TIAM2: variants seen among roughly 807,000 people sequenced by gnomAD.
The protein encoded by TIAM2 is rho guanine nucleotide exchange factor TIAM2.
A neutral mutation model predicts 152.9 loss-of-function variants in TIAM2; 80 were observed. The observed-to-expected ratio is 0.52, with a 90% CI of 0.44 to 0.63. The LOEUF is 0.63. Ranked by LOEUF, TIAM2 falls within the 30% of genes least tolerant of loss-of-function variation. The probability of loss-of-function intolerance (pLI) is 0.00; values close to 1 mark genes in which losing one functional copy is unlikely to be tolerated. For synonymous variants in TIAM2, 804 were observed against 838.0 expected, an observed-to-expected ratio of 0.96 and a Z score of 0.70; for missense variants, 1,965 against 2,120.1, an observed-to-expected ratio of 0.93 and a Z score of 1.44.
At chr6:155,224,778 C>T (rs9371873) in intron 15 of TIAM2, among the ~76,000 whole-genome samples, 18,047 of 152,184 alleles carry the variant, frequency 0.12, 1,713 homozygotes, top group African/African-American at 0.26. Context: ...CAGAAAACAG[C>T]TGGCAGAGGA....
chr6:155,067,989 G>T (rs973093222), intron 1 of TIAM2, among the ~76,000 whole-genome samples: 1 of 152,040 alleles, frequency 6.6e-6, no homozygotes, highest in East Asian at 1.9e-4. Flanking sequence ...CCAACCACAC[G>T]TACAAGTGTT....
At chr6:155,023,059 TTCCCTTGGCAAGTGAATTTATTTCATC>T (rs1776531204) in intron 1 of TIAM2, among the ~76,000 whole-genome samples, 1 of 38,136 alleles carries the variant, frequency 2.6e-5, no homozygotes, top group African/African-American at 6.3e-5. Context: ...TTTTTTTTTT[TTCCCTTGGCAAGTGAATTTATTTCATC>T]TTTTTTCTTG....
chr6:155,103,672 C>T (rs1485129736), intron 2 of TIAM2, among the ~76,000 whole-genome samples: 2 of 129,414 alleles, frequency 1.5e-5, no homozygotes, highest in African/African-American at 6.2e-5. Flanking sequence ...TGCGGTGAGC[C>T]GAGATAGCAC....
intron 1 of TIAM2, among the ~76,000 whole-genome samples, chr6:155,075,183 T>C (rs1398597674): frequency 6.6e-6 from 1 of 152,094 alleles, no homozygotes; most frequent in Non-Finnish European, 1.5e-5. Flanking sequence ...ATGTTCAAGT[T>C]GACAAAGTAA....
chr6:155,091,027 C>T (rs1210263270), intron 2 of TIAM2, among the ~76,000 whole-genome samples: 2 of 152,098 alleles, frequency 1.3e-5, no homozygotes, highest in African/African-American at 2.4e-5. Context: ...GTCTGGAGTT[C>T]GTGCGTGCTT....
intron 4 of TIAM2, among the ~76,000 whole-genome samples, chr6:155,134,320 T>C (rs888368169): frequency 7.9e-5 from 12 of 152,170 alleles, no homozygotes; most frequent in African/African-American, 2.6e-4. Context: ...ATAAAAAGAT[T>C]TGGAAATTTA....
intron 15 of TIAM2, among the ~76,000 whole-genome samples, chr6:155,237,841 T>C (rs1391292513): frequency 6.6e-6 from 1 of 152,194 alleles, no homozygotes; most frequent in Non-Finnish European, 1.5e-5. Flanking sequence ...TTTTTCCTCC[T>C]AGGCCTCCAG....
At position 155,256,857 on chromosome 6, in the gene TIAM2, G is replaced by A; in HGVS notation, c.4842G>A (p.Glu1614=). Residue 1614 remains glutamate (E), a synonymous_variant, in exon 27 of 27, where the codon GAG becomes GAA. Transcript: ENST00000682666. The part of the protein sequence containing the change: ...HPEAEQQPGP[E]SGEGQKGGEQ... ...AGGCTGAGCAGCAGCCTGGCCCGGA[G>A]TCGGGTGAGGGTCAGAAAGGAGGAG... is the stretch of plus-strand genomic sequence containing the variant. The A allele has an allele frequency of 6.2e-7, 1 of 1,614,212 alleles. No individual in the cohort carries two copies. Among genetic ancestry groups the A allele is most frequent in the South Asian group, 1.1e-5 (1 of 91,086 alleles).
intron 1 of TIAM2, among the ~76,000 whole-genome samples, chr6:155,023,820 C>G (rs1192060403): frequency 1.3e-5 from 2 of 152,162 alleles, no homozygotes; most frequent in Admixed American, 6.5e-5. Flanking sequence ...ACTTGTTGAG[C>G]CGCAGATGGT....
chr6:155,246,505 T>C (rs1182157573), intron 19 of TIAM2, among the ~76,000 whole-genome samples: 1 of 152,170 alleles, frequency 6.6e-6, no homozygotes, highest in African/African-American at 2.4e-5. Flanking sequence ...ATTTTAAAAA[T>C]GTAAAAATGT....
At chr6:155,127,674 A>G (rs368367133) in intron 3 of TIAM2, 74 bp downstream of exon 3, 32 of 443,130 alleles carry the variant, frequency 7.2e-5, no homozygotes, top group Non-Finnish European at 1.2e-4. Context: ...TAAAGGTTTA[A>G]TTATTTGGGC....
intron 5 of TIAM2, among the ~76,000 whole-genome samples, chr6:155,143,877 A>G (rs939004490): frequency 1.4e-5 from 2 of 146,024 alleles, no homozygotes; most frequent in Non-Finnish European, 3.0e-5. Flanking sequence ...TGCCAGAAGG[A>G]AAAAAAAAAC....
At chr6:155,042,637 C>T (rs1013717203) in intron 1 of TIAM2, among the ~76,000 whole-genome samples, 16 of 152,134 alleles carry the variant, frequency 1.1e-4, no homozygotes, top group African/African-American at 3.6e-4. Context: ...TCAATCCATT[C>T]TGTCAAGGAA....
chr6:155,184,451 T>A (rs1033670425), intron 14 of TIAM2, among the ~76,000 whole-genome samples: 2 of 152,204 alleles, frequency 1.3e-5, no homozygotes, highest in Non-Finnish European at 2.9e-5. Context: ...GTGTATTTCA[T>A]GTACTGCAGT....
intron 7 of TIAM2, among the ~76,000 whole-genome samples, chr6:155,151,745 G>T (rs2115072169): frequency 6.6e-6 from 1 of 152,160 alleles, no homozygotes; most frequent in East Asian, 1.9e-4. Context: ...AGATACAAGG[G>T]CCTGGTCCCA....
chr6:155,146,750 C>T (rs182708447), intron 6 of TIAM2, among the ~76,000 whole-genome samples: 15 of 147,656 alleles, frequency 1.0e-4, no homozygotes, highest in African/African-American at 2.0e-4. Context: ...TACAGGTGCC[C>T]GCCGCTATGC....
intron 1 of TIAM2, among the ~76,000 whole-genome samples, chr6:155,062,291 A>G (rs995177177): frequency 6.6e-6 from 1 of 152,192 alleles, no homozygotes; most frequent in Non-Finnish European, 1.5e-5. Flanking sequence ...TAAAGCTGCT[A>G]TAAACAATTG....
chr6:155,243,780 G>C (rs530734979), intron 16 of TIAM2, among the ~76,000 whole-genome samples: 4 of 135,442 alleles, frequency 3.0e-5, no homozygotes, highest in African/African-American at 1.1e-4. Flanking sequence ...CCAGGAGGCA[G>C]AGGTTGCAGT....
intron 1 of TIAM2, among the ~76,000 whole-genome samples, chr6:155,028,303 A>T (rs1207744448): frequency 8.1e-6 from 1 of 123,032 alleles, no homozygotes; most frequent in Non-Finnish European, 1.7e-5. Flanking sequence ...TATACTACAT[A>T]TATGTACTGT....
Sources: allele counts gnomAD v4.1 joint callset (sites outside exome capture counted in the v4.1 genomes callset), GRCh38; gene constraint gnomAD v4.1.1; transcripts MANE v1.5; gene names NCBI Gene and HGNC (gene_info 2026-07-23, HGNC 2026-07-21).